The following NBEA variants were observed in gnomAD, a reference collection of about 807,000 sequenced individuals.
NBEA encodes lysosomal-trafficking regulator 2.
In NBEA, 44 loss-of-function variants were observed where a neutral mutation model predicts 343.4. The ratio of observed to expected loss-of-function variants is 0.13; its 90% CI spans 0.10 to 0.16. The LOEUF (loss-of-function observed/expected upper bound fraction) is 0.16. Among genes scored for constraint, NBEA ranks in the 10% least tolerant of loss-of-function variants. NBEA has a pLI of 1.00. For synonymous variants in NBEA, 1,175 were observed against 1,238.7 expected (o/e 0.95, Z 1.08); for missense variants, 2,555 against 3,631.3 (o/e 0.70, Z 7.62).
intron 55 of NBEA, among the ~76,000 whole-genome samples, chr13:35,664,605 G>A (rs1388312659): frequency 6.6e-6 from 1 of 152,206 alleles, no homozygotes; most frequent in South Asian, 2.1e-4. Flanking sequence ...AGCTAGGTTC[G>A]CACTAATAAA....
intron 35 of NBEA, among the ~76,000 whole-genome samples, chr13:35,299,053 T>G (rs1177383149): frequency 6.6e-6 from 1 of 152,122 alleles, no homozygotes; most frequent in African/African-American, 2.4e-5. Context: ...CTCCTTATAC[T>G]TACTGACTTC....
At chr13:35,301,167 T>C (rs2036516364) in intron 35 of NBEA, among the ~76,000 whole-genome samples, 1 of 151,456 alleles carries the variant, frequency 6.6e-6, no homozygotes, top group Non-Finnish European at 1.5e-5. Context: ...GAGTCCACAA[T>C]ATGTTTTTTT....
At chr13:35,265,325 T>C (rs2033580673) in intron 34 of NBEA, among the ~76,000 whole-genome samples, 1 of 151,910 alleles carries the variant, frequency 6.6e-6, no homozygotes, top group Non-Finnish European at 1.5e-5. Flanking sequence ...ATGCAGTCCC[T>C]ATCAAAATAC....
intron 38 of NBEA, among the ~76,000 whole-genome samples, chr13:35,413,574 A>C (rs532176892): frequency 6.6e-6 from 1 of 152,218 alleles, no homozygotes; most frequent in African/African-American, 2.4e-5. Context: ...TGAAAATGCA[A>C]TTATCAAAAA....
chr13:35,577,766 C>T lies in NBEA; in HGVS notation c.7036-6132C>T, dbSNP rs183100255. On this transcript the variant is annotated intron_variant, in intron 45 of 58. Transcript: ENST00000379939. ...GAGATGAATAAAAGACAGGGAGTTT[C>T]TTCGAAGGGCTACACTACTGGGTTA... Among the ~76,000 whole-genome samples the T allele has an allele frequency of 2.0e-4, 31 of 152,202 alleles. No homozygotes were observed. The East Asian group carries it at 6.0e-3, about 29-fold the overall frequency.
intron 36 of NBEA, among the ~76,000 whole-genome samples, chr13:35,322,737 A>G (rs184301852): frequency 4.1e-4 from 62 of 152,356 alleles, no homozygotes; most frequent in Admixed American, 3.6e-3. Flanking sequence ...AACCTTAGAC[A>G]TTGATGATAA....
intron 51 of NBEA, among the ~76,000 whole-genome samples, chr13:35,646,736 AAGT>A (rs1445101496): frequency 7.9e-5 from 12 of 152,154 alleles, no homozygotes; most frequent in Non-Finnish European, 2.9e-5. Flanking sequence ...ACAGTAGGGG[AAGT>A]AGTTCATTTG....
chr13:35,331,742 T>C (rs1002206547), intron 36 of NBEA, among the ~76,000 whole-genome samples: 3 of 152,048 alleles, frequency 2.0e-5, no homozygotes, highest in Non-Finnish European at 4.4e-5. Context: ...TTCTTTTTTC[T>C]GGTATTCATG....
chr13:35,640,187 T>C (rs375190604), intron 49 of NBEA, among the ~76,000 whole-genome samples: 2 of 152,242 alleles, frequency 1.3e-5, no homozygotes, highest in South Asian at 4.1e-4. Context: ...GCACACATTA[T>C]ATTTATCGAT....
chr13:35,221,885 A>G (rs531830869), intron 33 of NBEA, among the ~76,000 whole-genome samples: 3 of 152,220 alleles, frequency 2.0e-5, no homozygotes, highest in South Asian at 2.1e-4. Flanking sequence ...AAACATGTCC[A>G]TGGGAGAAGA....
At chr13:35,093,327 AAAG>A (rs2065179372) in intron 10 of NBEA, among the ~76,000 whole-genome samples, 1 of 152,114 alleles carries the variant, frequency 6.6e-6, no homozygotes, top group South Asian at 2.1e-4. Flanking sequence ...AAAAAAAAAA[AAAG>A]AGAAATTTCA....
At chr13:35,374,011 T>C (rs994330981) in intron 38 of NBEA, among the ~76,000 whole-genome samples, 3 of 152,210 alleles carry the variant, frequency 2.0e-5, no homozygotes, top group Non-Finnish European at 4.4e-5. Flanking sequence ...CTAGATCTTC[T>C]GAATAACTTG....
intron 39 of NBEA, among the ~76,000 whole-genome samples, chr13:35,442,677 G>A (rs1227290196): frequency 6.6e-6 from 1 of 151,780 alleles, no homozygotes; most frequent in Non-Finnish European, 1.5e-5. Context: ...CCCGTTTGTT[G>A]GTCTGCTCTA....
At chr13:35,238,546 T>C (rs2075339652) in intron 34 of NBEA, among the ~76,000 whole-genome samples, 1 of 152,318 alleles carries the variant, frequency 6.6e-6, no homozygotes, top group Admixed American at 6.5e-5. Flanking sequence ...CATCTAACTA[T>C]AGTCACTTAA....
intron 41 of NBEA, 138 bp downstream of exon 41, chr13:35,472,674 A>G: frequency 1.2e-6 from 1 of 820,512 alleles, no homozygotes; most frequent in Non-Finnish European, 2.0e-6. Flanking sequence ...TGAATGAAAT[A>G]GCATGTTCTC....
At chr13:35,215,874 G>A (rs2074038534) in intron 33 of NBEA, among the ~76,000 whole-genome samples, 1 of 151,326 alleles carries the variant, frequency 6.6e-6, no homozygotes, top group African/African-American at 2.4e-5. Context: ...TGATAAATGA[G>A]TATCCAGATA....
intron 17 of NBEA, among the ~76,000 whole-genome samples, chr13:35,139,242 G>A (rs1243076178): frequency 6.6e-6 from 1 of 151,496 alleles, no homozygotes; most frequent in Non-Finnish European, 1.5e-5. Context: ...TGTATTTTTA[G>A]TGTAGATGGG....
rs1469498806 is a variant in NBEA at position 35,184,079 on chromosome 13, T to C, written c.4927+8T>C. The C allele has an allele frequency of 1.3e-6, 2 of 1,581,886 alleles. No homozygotes were observed. The highest frequency in any genetic ancestry group is 1.7e-5 in the Admixed American group (1 of 59,172). On this transcript the variant is annotated splice_region_variant and intron_variant, in intron 30 of 58. Coordinates refer to ENST00000379939, the MANE Select transcript of NBEA (RefSeq NM_001385012.1). ...GCCACTCATTTTACAAAGGTAATAC[T>C]GACCTCATCTCCTGACCTGTTTGGG...
intron 10 of NBEA, among the ~76,000 whole-genome samples, chr13:35,091,829 A>G (rs912820286): frequency 6.6e-6 from 1 of 152,026 alleles, no homozygotes; most frequent in Admixed American, 6.6e-5. Context: ...ATATTCATGG[A>G]CTTAACATAT....
Sources: gnomAD v4.1 joint callset for allele counts (sites outside exome capture counted in the v4.1 genomes callset) on GRCh38, gnomAD v4.1.1 for gene constraint, MANE v1.5 for transcripts, NCBI Gene and HGNC (gene_info 2026-07-23, HGNC 2026-07-21) for gene names.